Variants in WDR17 observed in about 807,000 individuals in gnomAD.
WDR17 encodes the protein WD repeat domain 17, also known as WD repeat-containing protein 17.
WDR17 carries 143 observed loss-of-function variants against 161.7 expected under a neutral mutation model. The ratio of observed to expected loss-of-function variants is 0.88; its 90% confidence interval spans 0.77 to 1.02. The LOEUF is 1.02. Among genes scored for constraint, WDR17 ranks in the 50% least tolerant of loss-of-function variants. The probability of loss-of-function intolerance (pLI) is 0.00; values close to 1 mark genes in which losing one functional copy is unlikely to be tolerated. For synonymous variants in WDR17, 517 were observed against 515.6 expected (o/e 1.00, Z -0.04); for missense variants, 1,469 against 1,520.9 (o/e 0.97, Z 0.57).
chr4:176,109,369 A>G (rs1249730335), intron 1 of WDR17, among the ~76,000 whole-genome samples: 1 of 152,034 alleles, frequency 6.6e-6, no homozygotes, highest in African/African-American at 2.4e-5. Flanking sequence ...CCTGAATGCT[A>G]ATGTTTGAGG....
intron 2 of WDR17, among the ~76,000 whole-genome samples, chr4:176,115,157 A>C (rs1286353831): frequency 6.6e-6 from 1 of 152,084 alleles, no homozygotes; most frequent in African/African-American, 2.4e-5. Context: ...AAGAAACTAC[A>C]ACAAAAGGAC....
At chr4:176,120,319 T>TATATATATATATATATATATAA (rs1491272016) in intron 4 of WDR17, among the ~76,000 whole-genome samples, 17 of 138,784 alleles carry the variant, frequency 1.2e-4, no homozygotes, top group African/African-American at 4.2e-4. Context: ...TATATATATA[T>TATATATATATATATATATATAA]AATACATTCA....
intron 22 of WDR17, chr4:176,166,293 C>G (rs1749765945): frequency 6.7e-6 from 2 of 296,308 alleles, no homozygotes; most frequent in South Asian, 2.0e-4. Flanking sequence ...TAATTTATAG[C>G]ACATGAAACC....
intron 3 of WDR17, among the ~76,000 whole-genome samples, chr4:176,118,800 C>CAA (rs539690350): frequency 0.046 from 6,658 of 146,154 alleles, 448 homozygotes; most frequent in African/African-American, 0.15. Context: ...ACTAAAAATA[C>CAA]AAAAAAAAAA....
chr4:176,171,142 A>G (rs1157865769), intron 23 of WDR17, among the ~76,000 whole-genome samples: 1 of 152,252 alleles, frequency 6.6e-6, no homozygotes, highest in Non-Finnish European at 1.5e-5. Context: ...TTACACTACC[A>G]TAAAGTCAAA....
Position 176,179,529 on chromosome 4 carries a change from G to T in WDR17, c.3802G>T (p.Val1268Leu). The change falls in exon 29 of 29, where the codon GTG becomes TTG. Residue 1268 changes from valine to leucine, a missense_variant. By Grantham distance (32) the Val-to-Leu change is conservative. Transcript: ENST00000508596. The stretch of plus-strand genomic sequence containing the variant: ...GAATGATGCTTTGATGTGGGCAAAG[G>T]TGAATCCATTCTCACCTTTAGGGAC... ...SLNDALMWAK[V>L]NPFSPLGTGI... 6.2e-7 allele frequency: 1 copy of T among 1,606,086 alleles called. No homozygotes were observed. Among genetic ancestry groups the T allele is most frequent in the Non-Finnish European group, 8.5e-7 (1 of 1,175,674 alleles).
At chr4:176,095,050 C>G (rs572678342) in intron 1 of WDR17, among the ~76,000 whole-genome samples, 1 of 152,178 alleles carries the variant, frequency 6.6e-6, no homozygotes, top group African/African-American at 2.4e-5. Context: ...ACACTGGAAT[C>G]ACTGAAGCAG....
At chr4:176,177,721 TTAAAA>T in intron 28 of WDR17, 67 bp downstream of exon 28, 1 of 1,490,964 alleles carries the variant, frequency 6.7e-7, no homozygotes, top group South Asian at 1.3e-5. Flanking sequence ...TTGAAATATC[TTAAAA>T]TAAGCCTAAT....
intron 1 of WDR17, among the ~76,000 whole-genome samples, chr4:176,080,013 C>G (rs994447935): frequency 6.6e-6 from 1 of 151,950 alleles, no homozygotes; most frequent in African/African-American, 2.4e-5. Context: ...ATGATCTAAT[C>G]AATTTTAAAG....
chr4:176,068,145 G>A (rs1468540695), intron 1 of WDR17: 2 of 152,046 alleles, frequency 1.3e-5, no homozygotes, highest in Non-Finnish European at 2.9e-5. Flanking sequence ...TTATGTATAT[G>A]GAAGCATCAT....
intron 11 of WDR17, 78 bp from the exon 12 acceptor site, chr4:176,145,917 T>C (rs939377020): frequency 2.4e-5 from 31 of 1,293,428 alleles, no homozygotes; most frequent in Non-Finnish European, 2.9e-5. Flanking sequence ...TTTTAGAAAT[T>C]AGAACTATGG....
chr4:176,076,248 TATATATAC>T (rs1376000309), intron 1 of WDR17, among the ~76,000 whole-genome samples: 152 of 74,558 alleles, frequency 2.0e-3, no homozygotes, highest in African/African-American at 5.6e-3. Context: ...TATATATATA[TATATATAC>T]ACACACACAC....
At chr4:176,132,339 C>G (rs1048049314) in intron 7 of WDR17, among the ~76,000 whole-genome samples, 2 of 152,002 alleles carry the variant, frequency 1.3e-5, no homozygotes, top group Non-Finnish European at 2.9e-5. Flanking sequence ...TGAAGACATG[C>G]AATAATACAT....
At chr4:176,145,636 C>T (rs1373152195) in intron 11 of WDR17, among the ~76,000 whole-genome samples, 1 of 152,178 alleles carries the variant, frequency 6.6e-6, no homozygotes, top group East Asian at 1.9e-4. Context: ...TGGGATGCTT[C>T]TTAAGACCTA....
Position 176,146,248 on chromosome 4 carries a change from GATATAT to G in WDR17, c.1694+91_1694+96del, listed in dbSNP as rs1405423354. 1.0e-5 allele frequency: 14 copies of G among 1,341,378 alleles called. No homozygotes were observed. The Admixed American group carries it at 3.1e-4, about 30-fold the overall frequency. The allele number at this position is 1,341,378 out of a possible 1,614,324, so 83.1% of individuals were successfully genotyped here. A position where few individuals can be genotyped will look rare whatever the true frequency, so the allele number is the denominator to read the frequency against. On this transcript the variant is annotated intron_variant, in intron 12 of 28. Transcript: ENST00000508596. ...TGTACATATTTATAGGAGATATATA[GATATAT>G]ACAGAGTCTCCCTCTGTCACCCAGG...
rs886124878 is a variant in WDR17, at chr4:176,182,711, T to C, written c.*3132T>C. Reference sequence around the variant, plus strand: ...AATATGTACTTTCATGCTAAAATTATATATCATGACTGTGCTATAATTTGG... The same window carrying C: ...AATATGTACTTTCATGCTAAAATTACATATCATGACTGTGCTATAATTTGG... On this transcript the variant is annotated 3_prime_UTR_variant, in exon 29 of 29. Coordinates refer to ENST00000508596, the MANE Select transcript of WDR17 (RefSeq NM_181265.4). The surrounding 1 kb of genome is among the most constrained non-coding windows in gnomAD (Gnocchi z 4.2). The C allele has an allele frequency of 1.3e-5, 2 of 152,182 alleles. No individual in the cohort carries two copies. The highest frequency in any genetic ancestry group is 1.5e-5 in the Non-Finnish European group (1 of 68,018). 9.4% of individuals were successfully genotyped at this position (152,182 alleles called of 1,614,324 possible).
chr4:176,167,473 C>T (rs1451672192), intron 22 of WDR17, among the ~76,000 whole-genome samples: 1 of 150,046 alleles, frequency 6.7e-6, no homozygotes, highest in Non-Finnish European at 1.5e-5. Flanking sequence ...GGTGAAACCC[C>T]GTCTCTACTA....
intron 4 of WDR17, among the ~76,000 whole-genome samples, chr4:176,124,172 T>C (rs886725759): frequency 3.3e-5 from 5 of 152,228 alleles, no homozygotes; most frequent in Non-Finnish European, 7.3e-5. Context: ...TCCTTTACGA[T>C]ACTTATGACT....
chr4:176,148,653 G>A (rs970217165), intron 13 of WDR17, among the ~76,000 whole-genome samples: 4 of 152,152 alleles, frequency 2.6e-5, no homozygotes, highest in Non-Finnish European at 5.9e-5. Flanking sequence ...ATATATACAT[G>A]TATGGCTTTT....
Sources: gnomAD v4.1 joint callset for allele counts (sites outside exome capture counted in the v4.1 genomes callset) on GRCh38, gnomAD v4.1.1 for gene constraint, Gnocchi (gnomAD v3.1) non-coding constraint, MANE v1.5 for transcripts, NCBI Gene and HGNC (gene_info 2026-07-23, HGNC 2026-07-21) for gene names.